Variants in IER3IP1 observed in about 807,000 individuals in gnomAD.
IER3IP1 encodes the protein immediate early response 3 interacting protein 1.
A neutral mutation model predicts 12.2 loss-of-function variants in IER3IP1; 16 were observed. The ratio of observed to expected loss-of-function variants is 1.31; its 90% CI spans 0.89 to 1.99. The LOEUF is 1.99. IER3IP1 is among the 30% of genes most tolerant of loss of function. IER3IP1 has a pLI of 0.00. For synonymous variants in IER3IP1, 42 were observed against 40.0 expected, an observed-to-expected ratio of 1.05 and a Z score of -0.19; for missense variants, 95 against 95.8, an observed-to-expected ratio of 0.99 and a Z score of 0.03.
chr18:47,175,548 C>A (rs2064029698), intron 1 of IER3IP1, among the ~76,000 whole-genome samples: 1 of 152,194 alleles, frequency 6.6e-6, no homozygotes, highest in Non-Finnish European at 1.5e-5. Context: ...ACTGCAACCT[C>A]TGCCTCCCAG....
chr18:47,176,118 GC>G, intron 1 of IER3IP1, 68 bp downstream of exon 1: 2 of 1,275,456 alleles, frequency 1.6e-6, no homozygotes. Flanking sequence ...CCCTCACGCG[GC>G]CCCATTAGGT....
chr18:47,164,170 C>T (rs1443495827), intron 1 of IER3IP1, among the ~76,000 whole-genome samples: 1 of 151,468 alleles, frequency 6.6e-6, no homozygotes, highest in African/African-American at 2.4e-5. Context: ...CAAGATAAAA[C>T]TCTACAATAC....
intron 1 of IER3IP1, among the ~76,000 whole-genome samples, chr18:47,162,508 C>G (rs1181047240): frequency 6.6e-6 from 1 of 152,056 alleles, no homozygotes; most frequent in African/African-American, 2.4e-5. Context: ...GAAACAAAAA[C>G]AGAATACCCT....
At chr18:47,164,099 C>T (rs2063988285) in intron 1 of IER3IP1, among the ~76,000 whole-genome samples, 1 of 151,760 alleles carries the variant, frequency 6.6e-6, no homozygotes, top group Non-Finnish European at 1.5e-5. Flanking sequence ...ATTGCTTAAA[C>T]ATATTTTTTC....
chr18:47,176,151 C>T lies in IER3IP1; in HGVS notation c.91+36G>A, dbSNP rs2064032666. ...AGGTTACGCGCCCCCGGGGACTCCG[C>T]CGCCGCCCCAGCCCGCGCCCCGCGG... On this transcript the variant is annotated intron_variant, in intron 1 of 2. Coordinates refer to ENST00000256433, the MANE Select transcript of IER3IP1 (RefSeq NM_016097.5). 3.2e-6 allele frequency: 5 copies of T among 1,547,232 alleles called. No homozygotes were observed. In the African/African-American group the frequency reaches 5.5e-5, roughly 17 times the overall value.
At chr18:47,162,521 G>C (rs2063983075) in intron 1 of IER3IP1, among the ~76,000 whole-genome samples, 1 of 152,036 alleles carries the variant, frequency 6.6e-6, no homozygotes, top group South Asian at 2.1e-4. Flanking sequence ...AATACCCTAA[G>C]AACAGATCCC....
chr18:47,174,220 T>C (rs1056051431), intron 1 of IER3IP1, among the ~76,000 whole-genome samples: 1 of 152,178 alleles, frequency 6.6e-6, no homozygotes, highest in Non-Finnish European at 1.5e-5. Context: ...CTGTGTGTTC[T>C]TACAAAAGCC....
intron 1 of IER3IP1, among the ~76,000 whole-genome samples, chr18:47,163,214 C>T (rs536949953): frequency 6.6e-6 from 1 of 152,260 alleles, no homozygotes; most frequent in South Asian, 2.1e-4. Flanking sequence ...ATGCCAACAT[C>T]ACTGCTCTTA....
chr18:47,156,280 A>C (rs1411600535), intron 2 of IER3IP1, 48 bp from the exon 3 acceptor site: 1 of 1,004,610 alleles, frequency 1.0e-6, no homozygotes, highest in East Asian at 2.4e-5. Flanking sequence ...AAAAACAGAG[A>C]AAAAACCAGA....
rs1327232307 is a variant in IER3IP1 at position 47,152,920 on chromosome 18, A to C, written c.*3257T>G. ...TACAAACATTAGTGATCTGGAAAAG[A>C]TATATATATATATCTGGACCAGACT... On this transcript the variant is annotated 3_prime_UTR_variant, in exon 3 of 3. Transcript: ENST00000256433. The C allele has an allele frequency of 1.3e-5, 2 of 151,496 alleles. No homozygotes were observed. The highest frequency in any genetic ancestry group is 2.9e-5 in the Non-Finnish European group (2 of 67,802). 9.4% of individuals were successfully genotyped at this position (151,496 alleles called of 1,614,324 possible).
chr18:47,174,009 T>G (rs2064023312), intron 1 of IER3IP1, among the ~76,000 whole-genome samples: 1 of 152,250 alleles, frequency 6.6e-6, no homozygotes, highest in Non-Finnish European at 1.5e-5. Context: ...GATCTCATCT[T>G]AACTTGATTA....
chr18:47,162,313 A>G (rs2063982499), intron 1 of IER3IP1, among the ~76,000 whole-genome samples: 1 of 152,348 alleles, frequency 6.6e-6, no homozygotes, highest in African/African-American at 2.4e-5. Flanking sequence ...AGCCCTGACT[A>G]CACACATGGA....
chr18:47,164,505 T>G lies in IER3IP1; in HGVS notation c.92-6968A>C, dbSNP rs372014769. ...ATTGCTGTTTTTCGTTTTTTTTTTT[T>G]CTTTTTAAGAGAAAGATTTGGCCGG... On this transcript the variant is annotated intron_variant, in intron 1 of 2. Transcript: ENST00000256433. 5.3e-5 allele frequency among the ~76,000 whole-genome samples: 8 copies of G among 152,050 alleles called. 1 individual carries two copies. The highest frequency in any genetic ancestry group is 1.9e-4 in the African/African-American group (8 of 41,474).
At chr18:47,159,276 A>T (rs777156480) in intron 1 of IER3IP1, among the ~76,000 whole-genome samples, 3 of 152,254 alleles carry the variant, frequency 2.0e-5, no homozygotes, top group Non-Finnish European at 4.4e-5. Flanking sequence ...CAGATCAAAA[A>T]CTACAGTAGG....
chr18:47,154,262 T>G lies in IER3IP1; in HGVS notation c.*1915A>C, dbSNP rs916434788. On this transcript the variant is annotated 3_prime_UTR_variant, in exon 3 of 3. Coordinates refer to ENST00000256433, the MANE Select transcript of IER3IP1 (RefSeq NM_016097.5). ...ACAACTGCTCTGGGGAAACCAGGGC[T>G]GACCAGTGAAAGCTTACAGACCCCT... 1 of 152,230 alleles carries G rather than the reference T, an allele frequency of 6.6e-6. No individual in the cohort carries two copies. The allele number at this position is 152,230 out of a possible 1,614,324, so 9.4% of individuals were successfully genotyped here.
rs768277148 is a variant in IER3IP1 at position 47,172,052 on chromosome 18, G to T, written c.91+4135C>A. On this transcript the variant is annotated intron_variant, in intron 1 of 2. Transcript: ENST00000256433. This position sits in a 1 kb window ranked among gnomAD's most constrained non-coding sequence, Gnocchi z 4.0. ...CCACCTTGGCCTCCCAAAGTGCTGGGATTACAGGCATGAGCCACGGTGCTG... is the reference window on the plus strand; with the variant it reads ...CCACCTTGGCCTCCCAAAGTGCTGGTATTACAGGCATGAGCCACGGTGCTG... Among the ~76,000 whole-genome samples, 1 of 152,180 alleles carries T rather than the reference G, an allele frequency of 6.6e-6. No individual in the cohort carries two copies. Among genetic ancestry groups the T allele is most frequent in the African/African-American group, 2.4e-5 (1 of 41,438 alleles).
intron 1 of IER3IP1, among the ~76,000 whole-genome samples, chr18:47,159,931 C>T (rs548201636): frequency 3.3e-5 from 5 of 151,988 alleles, no homozygotes; most frequent in Admixed American, 3.3e-4. Context: ...CGCGGTGGCT[C>T]ACACCTATAA....
At chr18:47,157,129 C>A in intron 2 of IER3IP1, 1 of 344,698 alleles carries the variant, frequency 2.9e-6, no homozygotes, top group South Asian at 3.2e-5. Context: ...TGTGATTTTA[C>A]AACTTGGAAA....
intron 1 of IER3IP1, among the ~76,000 whole-genome samples, chr18:47,163,976 T>C (rs1377849824): frequency 6.6e-6 from 1 of 152,174 alleles, no homozygotes; most frequent in Non-Finnish European, 1.5e-5. Context: ...CAGCCACAAT[T>C]TCGCATATGG....
Sources: gnomAD v4.1 joint callset for allele counts (sites outside exome capture counted in the v4.1 genomes callset) on GRCh38, gnomAD v4.1.1 for gene constraint, Gnocchi (gnomAD v3.1) non-coding constraint, MANE v1.5 for transcripts, NCBI Gene and HGNC (gene_info 2026-07-23, HGNC 2026-07-21) for gene names.